LYRM4: variants seen among roughly 807,000 people sequenced by gnomAD.
The protein encoded by LYRM4 is LYR motif containing 4.
A neutral mutation model predicts 11.7 loss-of-function variants in LYRM4; 9 were observed. That is an observed-to-expected ratio of 0.77 (90% CI 0.46 to 1.34). LYRM4 has a LOEUF of 1.34. LYRM4 is among the 40% of genes most tolerant of loss of function. The pLI, the probability that LYRM4 is intolerant of heterozygous loss-of-function variation, is 0.00. For missense variants in LYRM4, 133 were observed against 112.5 expected (o/e 1.18, Z -0.82); for synonymous variants, 42 against 40.4 (o/e 1.04, Z -0.15).
At chr6:5,131,205 G>C (rs1763937028) in intron 2 of LYRM4, among the ~76,000 whole-genome samples, 1 of 152,170 alleles carries the variant, frequency 6.6e-6, no homozygotes, top group Non-Finnish European at 1.5e-5. Context: ...GGATGCGGCA[G>C]TCATAAAGCT....
chr6:5,123,978 G>A (rs975778493), intron 2 of LYRM4, among the ~76,000 whole-genome samples: 1 of 152,212 alleles, frequency 6.6e-6, no homozygotes, highest in African/African-American at 2.4e-5. Flanking sequence ...CTGGGAGGTG[G>A]GGAGCTGGGC....
downstream of LYRM4, among the ~76,000 whole-genome samples, chr6:5,098,880 C>G (rs1762416417): frequency 6.6e-6 from 1 of 152,206 alleles, no homozygotes; most frequent in Admixed American, 6.5e-5. Context: ...TTACTCAATC[C>G]TAACTCTCAG....
At chr6:5,129,766 T>A (rs1350138331) in intron 2 of LYRM4, among the ~76,000 whole-genome samples, 21 of 152,322 alleles carry the variant, frequency 1.4e-4, no homozygotes, top group Admixed American at 1.3e-3. Flanking sequence ...CAATTATTTT[T>A]AAAAATGTAA....
the LYRM4 span, among the ~76,000 whole-genome samples, chr6:5,097,857 C>T: frequency 4.6e-5 from 7 of 152,352 alleles, no homozygotes; most frequent in East Asian, 1.2e-3. Context: ...TGTACATACA[C>T]TAATATCACT....
chr6:5,076,138 G>C, the LYRM4 span, among the ~76,000 whole-genome samples: 1 of 151,968 alleles, frequency 6.6e-6, no homozygotes, highest in African/African-American at 2.4e-5. Context: ...TAGAGACAGG[G>C]TTTCACCATG....
At chr6:5,136,900 TA>T in intron 2 of LYRM4, 1 of 903,804 alleles carries the variant, frequency 1.1e-6, no homozygotes, top group Non-Finnish European at 1.3e-6. Flanking sequence ...CAATGGTTTT[TA>T]GTATATTCAC....
chr6:5,202,271 G>C (rs1761434016), intron 2 of LYRM4, among the ~76,000 whole-genome samples: 1 of 152,228 alleles, frequency 6.6e-6, no homozygotes, highest in Non-Finnish European at 1.5e-5. Flanking sequence ...ACAGGTAAAG[G>C]TGAGTAAATT....
At chr6:5,065,227 A>G in the LYRM4 span, among the ~76,000 whole-genome samples, 2 of 151,662 alleles carry the variant, frequency 1.3e-5, no homozygotes, top group Non-Finnish European at 2.9e-5. Flanking sequence ...ATAATATTCC[A>G]TTGTCTAGAT....
the LYRM4 span, among the ~76,000 whole-genome samples, chr6:5,047,788 A>G: frequency 6.6e-6 from 1 of 152,250 alleles, no homozygotes. Context: ...CCAATACGGT[A>G]TTAGTGTTAA....
chr6:5,031,823 T>C, the LYRM4 span: 1 of 152,198 alleles, frequency 6.6e-6, no homozygotes, highest in Non-Finnish European at 1.5e-5. Flanking sequence ...GTTATTTACA[T>C]CATATACAAT....
At chr6:5,227,799 A>G (rs1762978668) in intron 1 of LYRM4, among the ~76,000 whole-genome samples, 1 of 152,224 alleles carries the variant, frequency 6.6e-6, no homozygotes, top group Non-Finnish European at 1.5e-5. Context: ...AATACTAAAC[A>G]GTTATAAAAA....
intron 2 of LYRM4, among the ~76,000 whole-genome samples, chr6:5,120,550 G>A (rs181286281): frequency 1.4e-3 from 210 of 152,340 alleles, no homozygotes; most frequent in African/African-American, 4.8e-3. Flanking sequence ...CAGCGTGGAA[G>A]GGGACGCCAG....
the LYRM4 span, among the ~76,000 whole-genome samples, chr6:5,094,075 G>C: frequency 2.0e-5 from 3 of 152,234 alleles, no homozygotes; most frequent in Non-Finnish European, 4.4e-5. Flanking sequence ...CTACACAGCA[G>C]TGGCAAGAAT....
downstream of LYRM4, among the ~76,000 whole-genome samples, chr6:5,102,381 C>T (rs1581270000): frequency 6.6e-6 from 1 of 152,146 alleles, no homozygotes; most frequent in East Asian, 1.9e-4. Flanking sequence ...CACACATGTG[C>T]ATGTAAATGA....
chr6:5,114,328 A>C (rs532367911), intron 2 of LYRM4, among the ~76,000 whole-genome samples: 329 of 152,342 alleles, frequency 2.2e-3, no homozygotes, highest in African/African-American at 5.9e-3. Context: ...CCTTATTGCC[A>C]GCTTTCTTTT....
At chr6:5,104,281 T>A (rs1762595194), downstream of LYRM4, 1 of 136,492 alleles carries the variant, frequency 7.3e-6, no homozygotes, top group South Asian at 2.2e-4. Flanking sequence ...ATCCCAGTTA[T>A]TTTTTTTTTT....
intron 2 of LYRM4, among the ~76,000 whole-genome samples, chr6:5,147,150 A>G (rs148932051): frequency 6.6e-6 from 1 of 152,350 alleles, no homozygotes; most frequent in African/African-American, 2.4e-5. Context: ...ATTGGGTCAC[A>G]GGTAAGCTTT....
chr6:5,186,385 G>A (rs1165773807), intron 2 of LYRM4, among the ~76,000 whole-genome samples: 2 of 152,156 alleles, frequency 1.3e-5, no homozygotes, highest in African/African-American at 2.4e-5. Context: ...TCCTTTGGAA[G>A]CAAAATGCAG....
At chr6:5,046,528 T>C in the LYRM4 span, among the ~76,000 whole-genome samples, 2 of 152,244 alleles carry the variant, frequency 1.3e-5, no homozygotes, top group African/African-American at 4.8e-5. Flanking sequence ...AGGCTGGACG[T>C]CCCACATGGC....
Sources: gnomAD v4.1 joint callset for allele counts (sites outside exome capture counted in the v4.1 genomes callset) on GRCh38, gnomAD v4.1.1 for gene constraint, MANE v1.5 for transcripts, NCBI Gene and HGNC (gene_info 2026-07-23, HGNC 2026-07-21) for gene names.